The following HCRTR2 variants were observed in gnomAD, a reference collection of about 807,000 sequenced individuals.
The protein encoded by HCRTR2 is orexin receptor type 2.
In HCRTR2, 22 loss-of-function variants were observed where a neutral mutation model predicts 49.0. The observed-to-expected ratio is 0.45, with a 90% CI of 0.32 to 0.64. The LOEUF (loss-of-function observed/expected upper bound fraction) is 0.64. Among genes scored for constraint, HCRTR2 ranks in the 30% least tolerant of loss-of-function variants. HCRTR2 has a pLI of 0.04. For synonymous variants in HCRTR2, 236 were observed against 205.3 expected, an observed-to-expected ratio of 1.15 and a Z score of -1.28; for missense variants, 491 against 559.4, an observed-to-expected ratio of 0.88 and a Z score of 1.23.
intron 1 of HCRTR2, among the ~76,000 whole-genome samples, chr6:55,123,089 A>G (rs573484847): frequency 1.7e-4 from 26 of 152,062 alleles, no homozygotes; most frequent in Non-Finnish European, 3.1e-4. Flanking sequence ...CATGTTGTGC[A>G]CATGTACCCT....
intron 3 of HCRTR2, among the ~76,000 whole-genome samples, chr6:55,258,035 T>C (rs1052476997): frequency 1.3e-5 from 2 of 152,104 alleles, no homozygotes; most frequent in East Asian, 1.9e-4. Flanking sequence ...TCATTGTTCA[T>C]GTAAACTATT....
At chr6:55,219,917 T>G (rs1453026051) in intron 1 of HCRTR2, among the ~76,000 whole-genome samples, 1 of 152,046 alleles carries the variant, frequency 6.6e-6, no homozygotes, top group Non-Finnish European at 1.5e-5. Flanking sequence ...TTCTGTATAA[T>G]TATACACTAA....
chr6:55,144,918 C>T (rs1428634164), intron 1 of HCRTR2, among the ~76,000 whole-genome samples: 1 of 152,084 alleles, frequency 6.6e-6, no homozygotes, highest in Non-Finnish European at 1.5e-5. Context: ...GAATAAAATG[C>T]CAAAATTAAA....
At chr6:55,127,240 A>G (rs1303718802) in intron 1 of HCRTR2, among the ~76,000 whole-genome samples, 3 of 152,084 alleles carry the variant, frequency 2.0e-5, no homozygotes, top group African/African-American at 7.2e-5. Context: ...CAGGTTGTGA[A>G]AACCATGGGA....
chr6:55,234,482 C>T (rs1766177586), intron 1 of HCRTR2, among the ~76,000 whole-genome samples: 1 of 151,958 alleles, frequency 6.6e-6, no homozygotes, highest in South Asian at 2.1e-4. Context: ...TAAAATAAGT[C>T]CAGATTTAAA....
chr6:55,161,017 A>G (rs565512189), intron 1 of HCRTR2, among the ~76,000 whole-genome samples: 1 of 152,222 alleles, frequency 6.6e-6, no homozygotes, highest in Admixed American at 6.5e-5. Context: ...CACCCCAAAT[A>G]AATAGAATAT....
intron 1 of HCRTR2, among the ~76,000 whole-genome samples, chr6:55,230,968 T>C (rs1289072620): frequency 1.3e-5 from 2 of 152,110 alleles, no homozygotes; most frequent in East Asian, 3.9e-4. Context: ...TCTAATCTTT[T>C]CCATAATTAG....
chr6:55,263,612 TAAATATGCACTTTGAAGAA>T, intron 3 of HCRTR2, 76 bp from the exon 4 acceptor site: 1 of 716,396 alleles, frequency 1.4e-6, no homozygotes, highest in Non-Finnish European at 2.5e-6. Flanking sequence ...ATATAAAAGG[TAAATATGCACTTTGAAGAA>T]AAGCATTGAC....
intron 1 of HCRTR2, among the ~76,000 whole-genome samples, chr6:55,237,544 C>G (rs1029455618): frequency 3.3e-5 from 5 of 152,204 alleles, no homozygotes; most frequent in Non-Finnish European, 5.9e-5. Context: ...ATATTATCAG[C>G]TTTGTTCTCT....
At chr6:55,264,379 T>G (rs541722640) in intron 4 of HCRTR2, among the ~76,000 whole-genome samples, 5 of 152,124 alleles carry the variant, frequency 3.3e-5, no homozygotes, top group Non-Finnish European at 7.4e-5. Flanking sequence ...TGTTAGATAA[T>G]TCTGCTGTAT....
intron 1 of HCRTR2, among the ~76,000 whole-genome samples, chr6:55,145,924 A>G (rs1170063805): frequency 6.6e-6 from 1 of 152,084 alleles, no homozygotes; most frequent in East Asian, 1.9e-4. Context: ...GTAATCCCTC[A>G]ACAACAAAAA....
chr6:55,196,146 C>A (rs1270684305), intron 1 of HCRTR2, among the ~76,000 whole-genome samples: 2 of 152,216 alleles, frequency 1.3e-5, no homozygotes, highest in Non-Finnish European at 2.9e-5. Flanking sequence ...CAACTACACT[C>A]CTGTTTCTTC....
intron 1 of HCRTR2, among the ~76,000 whole-genome samples, chr6:55,108,997 C>T (rs1764012704): frequency 3.9e-5 from 6 of 152,194 alleles, no homozygotes; most frequent in East Asian, 1.9e-4. Flanking sequence ...GTCCACCTCA[C>T]TCCCCTCCTG....
chr6:55,280,461 T>A lies in HCRTR2; in HGVS notation c.1105+17T>A. The A allele has an allele frequency of 6.2e-7, 1 of 1,611,464 alleles. No individual in the cohort carries two copies. Among genetic ancestry groups the A allele is most frequent in the Non-Finnish European group, 8.5e-7 (1 of 1,179,030 alleles). ...TTCTCAGTGGTGAGTTTTCAACTGT[T>A]CTTCCATAAGCCACAATTGTAACCA... On this transcript the variant is annotated intron_variant, in intron 6 of 6. Coordinates refer to ENST00000370862, the MANE Select transcript of HCRTR2 (RefSeq NM_001384272.1).
chr6:55,157,097 C>G (rs1488829024), intron 1 of HCRTR2, among the ~76,000 whole-genome samples: 2 of 152,058 alleles, frequency 1.3e-5, no homozygotes. Flanking sequence ...TGGCAGATGA[C>G]ATAATCTTAT....
chr6:55,251,089 A>C (rs533294149), intron 2 of HCRTR2, among the ~76,000 whole-genome samples: 12 of 152,288 alleles, frequency 7.9e-5, no homozygotes, highest in African/African-American at 2.6e-4. Flanking sequence ...AAATTTGAGC[A>C]GATTTTCTCC....
intron 1 of HCRTR2, among the ~76,000 whole-genome samples, chr6:55,111,563 G>A (rs1170959214): frequency 8.6e-5 from 13 of 151,844 alleles, no homozygotes; most frequent in African/African-American, 3.1e-4. Context: ...AGATGGATAA[G>A]TTCCTGGAAA....
chr6:55,245,182 C>G (rs1766408308), intron 1 of HCRTR2, among the ~76,000 whole-genome samples: 1 of 151,594 alleles, frequency 6.6e-6, no homozygotes, highest in Admixed American at 6.6e-5. Context: ...TTTGAATGGA[C>G]ATAATGTGAA....
intron 6 of HCRTR2, among the ~76,000 whole-genome samples, chr6:55,281,131 G>A (rs923047790): frequency 4.6e-5 from 7 of 152,090 alleles, no homozygotes; most frequent in Admixed American, 1.3e-4. Flanking sequence ...ACTCATTGGC[G>A]ATTTCTTTGT....
Sources: gnomAD v4.1 joint callset for allele counts (sites outside exome capture counted in the v4.1 genomes callset) on GRCh38, gnomAD v4.1.1 for gene constraint, MANE v1.5 for transcripts, NCBI Gene and HGNC (gene_info 2026-07-23, HGNC 2026-07-21) for gene names.